The following LHCGR variants were observed in gnomAD, a reference collection of about 807,000 sequenced individuals.
LHCGR encodes the protein luteinizing hormone/choriogonadotropin receptor, also known as lutropin-choriogonadotropic hormone receptor.
In LHCGR, 55 loss-of-function variants were observed where a neutral mutation model predicts 60.7. That is an observed-to-expected ratio of 0.91 (90% CI 0.73 to 1.13). LHCGR has a LOEUF of 1.13. LHCGR is among the 50% of genes most tolerant of loss of function. The probability of loss-of-function intolerance (pLI) is 0.00; values close to 1 mark genes in which losing one functional copy is unlikely to be tolerated. For missense variants in LHCGR, 862 were observed against 836.0 expected (o/e 1.03, Z -0.38); for synonymous variants, 337 against 316.5 (o/e 1.06, Z -0.69).
intron 6 of LHCGR, chr2:48,721,529 A>G (rs1006605901): frequency 3.1e-6 from 1 of 326,420 alleles, no homozygotes; most frequent in African/African-American, 2.2e-5. Flanking sequence ...ATGAAGCTAC[A>G]TGGTCACAGC....
At chr2:48,722,079 G>A (rs1040629229) in intron 6 of LHCGR, among the ~76,000 whole-genome samples, 1 of 152,232 alleles carries the variant, frequency 6.6e-6, no homozygotes, top group Non-Finnish European at 1.5e-5. Flanking sequence ...GAACCCAGGA[G>A]GCAGAGGTTG....
chr2:48,742,937 A>G (rs1389891974), intron 1 of LHCGR, among the ~76,000 whole-genome samples: 1 of 152,086 alleles, frequency 6.6e-6, no homozygotes. Context: ...AAAATTGATA[A>G]ACTGCTAGCA....
chr2:48,731,285 G>A lies in LHCGR; in HGVS notation c.175C>T (p.Leu59Phe). 1 of 1,611,040 alleles carries A rather than the reference G, an allele frequency of 6.2e-7. No individual in the cohort carries two copies. The highest frequency in any genetic ancestry group is 8.5e-7 in the Non-Finnish European group (1 of 1,178,180). ...TGAGATGGGATCACTTTGACAGGGA[G>A]GTAGGCAAGTGATCTAGAAAAGAAA... ...AGLTRLSLAY[L>F]PVKVIPSQAF... Residue 59 changes from leucine (L) to phenylalanine (F), a missense_variant, in exon 2 of 11, where the codon CTC becomes TTC. Transcript: ENST00000294954.
At chr2:48,728,064 T>C (rs1668820801) in intron 3 of LHCGR, among the ~76,000 whole-genome samples, 1 of 147,252 alleles carries the variant, frequency 6.8e-6, no homozygotes, top group Admixed American at 6.9e-5. Context: ...TAGAAGTTTG[T>C]AAACTTTCTT....
chr2:48,730,778 A>G (rs929713790), intron 2 of LHCGR, among the ~76,000 whole-genome samples: 1 of 152,228 alleles, frequency 6.6e-6, no homozygotes, highest in African/African-American at 2.4e-5. Context: ...CCTTTCATCA[A>G]TATAGTTATA....
intron 10 of LHCGR, among the ~76,000 whole-genome samples, chr2:48,693,485 T>C (rs764224102): frequency 3.9e-5 from 6 of 152,064 alleles, no homozygotes; most frequent in Non-Finnish European, 5.9e-5. Flanking sequence ...TGGAGATTGA[T>C]AGGAAAAGAA....
At position 48,755,498 on chromosome 2, in the gene LHCGR, G is replaced by C; in HGVS notation, c.161+13C>G. Reference sequence around the variant, plus strand: ...GCATCAAGGGCGCCGCGACGGGAGCGCTGTGTACTCACAGTCGAGTGAGAC... The same window carrying C: ...GCATCAAGGGCGCCGCGACGGGAGCCCTGTGTACTCACAGTCGAGTGAGAC... On this transcript the variant is annotated intron_variant, in intron 1 of 10. Coordinates refer to ENST00000294954, the MANE Select transcript of LHCGR (RefSeq NM_000233.4). 6.6e-7 allele frequency: 1 copy of C among 1,516,044 alleles called. No individual in the cohort carries two copies. The highest frequency in any genetic ancestry group is 8.9e-7 in the Non-Finnish European group (1 of 1,121,022). 93.9% of individuals were successfully genotyped at this position (1,516,044 alleles called of 1,614,324 possible). A position where few individuals can be genotyped will look rare whatever the true frequency, so the allele number is the denominator to read the frequency against.
chr2:48,689,162 CACATATAT>C lies in LHCGR; in HGVS notation c.948-321_948-314del, dbSNP rs560876401. On this transcript the variant is annotated intron_variant, in intron 10 of 10. Transcript: ENST00000294954. ...ATGTACACACATATACATATATACACACATATATACATATATACACACATATATATACT... is the reference window on the plus strand; with the variant it reads ...ATGTACACACATATACATATATACACACATATATACACACATATATATACT... 9.0e-3 allele frequency among the ~76,000 whole-genome samples: 1,353 copies of C among 150,852 alleles called. 5 individuals carry two copies. Among genetic ancestry groups the C allele is most frequent in the Non-Finnish European group, 0.014 (972 of 67,756 alleles).
chr2:48,689,965 C>T (rs1167970407), intron 10 of LHCGR, among the ~76,000 whole-genome samples: 2 of 152,208 alleles, frequency 1.3e-5, no homozygotes, highest in African/African-American at 4.8e-5. Context: ...CTGCCCGCCT[C>T]GGCCTCCAAA....
chr2:48,710,913 T>G (rs372486025), intron 7 of LHCGR, among the ~76,000 whole-genome samples: 46 of 152,352 alleles, frequency 3.0e-4, no homozygotes, highest in African/African-American at 1.1e-3. Flanking sequence ...ACTTAAACTC[T>G]TTAATGGGTG....
At chr2:48,700,728 T>G (rs1002377288) in intron 8 of LHCGR, among the ~76,000 whole-genome samples, 1 of 152,144 alleles carries the variant, frequency 6.6e-6, no homozygotes, top group Non-Finnish European at 1.5e-5. Context: ...ATATGAGACA[T>G]GCAGAAAAAG....
chr2:48,734,957 G>A (rs1413115848), intron 1 of LHCGR, among the ~76,000 whole-genome samples: 1 of 152,188 alleles, frequency 6.6e-6, no homozygotes, highest in African/African-American at 2.4e-5. Flanking sequence ...GACGGCTGTG[G>A]AAAAATATGG....
chr2:48,729,325 C>T, intron 2 of LHCGR, 98 bp from the exon 3 acceptor site: 2 of 899,182 alleles, frequency 2.2e-6, no homozygotes, highest in East Asian at 2.4e-5. Flanking sequence ...CAACTGGGGA[C>T]ACCACTGTGT....
At chr2:48,732,274 T>C (rs1423425162) in intron 1 of LHCGR, among the ~76,000 whole-genome samples, 1 of 152,154 alleles carries the variant, frequency 6.6e-6, no homozygotes, top group Non-Finnish European at 1.5e-5. Context: ...GGCAAGGATA[T>C]TTCAGGTGGG....
chr2:48,699,376 A>T (rs1480949786), intron 8 of LHCGR, among the ~76,000 whole-genome samples: 1 of 150,772 alleles, frequency 6.6e-6, no homozygotes, highest in Admixed American at 6.6e-5. Context: ...CCCTCTTCCA[A>T]CTCCTTTTCC....
chr2:48,751,747 T>C (rs1487065971), intron 1 of LHCGR, among the ~76,000 whole-genome samples: 2 of 152,248 alleles, frequency 1.3e-5, no homozygotes, highest in Non-Finnish European at 2.9e-5. Flanking sequence ...AAAGTAATCA[T>C]GGTTTTTGCC....
At position 48,752,997 on chromosome 2, in the gene LHCGR, T is replaced by TGGGGTGGGGGG. The variant is rs1558909396; in HGVS notation, c.161+2513_161+2514insCCCCCCACCCC. On this transcript the variant is annotated intron_variant, in intron 1 of 10. Transcript: ENST00000294954. Reference sequence around the variant, plus strand: ...GGATTTTGGCGGGGGGGGGGGGGGGTGGGGAAGGGAAGTGTATGGCACAAG... The same window carrying TGGGGTGGGGGG: ...GGATTTTGGCGGGGGGGGGGGGGGGTGGGGTGGGGGGGGGGAAGGGAAGTGTATGGCACAAG... Among the ~76,000 whole-genome samples, 96 of 18,420 alleles carry TGGGGTGGGGGG rather than the reference T, an allele frequency of 5.2e-3. 1 individual carries two copies. The highest frequency in any genetic ancestry group is 0.056 in the Middle Eastern group (1 of 18). 12.1% of individuals were successfully genotyped at this position (18,420 alleles called of 152,430 possible).
chr2:48,720,603 C>T (rs1481945888), intron 6 of LHCGR: 1 of 152,204 alleles, frequency 6.6e-6, no homozygotes, highest in African/African-American at 2.4e-5. Context: ...ACTTTCCATT[C>T]CTTAAACAGC....
At chr2:48,718,218 A>G (rs1422848373) in intron 6 of LHCGR, among the ~76,000 whole-genome samples, 1 of 151,744 alleles carries the variant, frequency 6.6e-6, no homozygotes, top group African/African-American at 2.4e-5. Context: ...CTCTATTACA[A>G]TAGCTGTACC....
Sources: gnomAD v4.1 joint callset for allele counts (sites outside exome capture counted in the v4.1 genomes callset) on GRCh38, gnomAD v4.1.1 for gene constraint, MANE v1.5 for transcripts, NCBI Gene and HGNC (gene_info 2026-07-23, HGNC 2026-07-21) for gene names.